The following TTN variants were observed in gnomAD, a reference collection of about 807,000 sequenced individuals.
TTN encodes titin, also known as connectin.
TTN carries 1,525 observed loss-of-function variants against 3,223.0 expected under a neutral mutation model. The observed-to-expected ratio is 0.47, with a 90% confidence interval of 0.45 to 0.49. The LOEUF (loss-of-function observed/expected upper bound fraction) is 0.49. Ranked by LOEUF, TTN falls within the 20% of genes least tolerant of loss-of-function variation. The pLI, the probability that TTN is intolerant of heterozygous loss-of-function variation, is 0.00. For missense variants in TTN, 40,786 were observed against 43,424.0 expected (o/e 0.94, Z 5.40); for synonymous variants, 14,094 against 15,161.0 (o/e 0.93, Z 5.17).
intron 218 of TTN, among the ~76,000 whole-genome samples, chr2:178,644,015 G>A (rs1324213921): frequency 6.6e-6 from 1 of 151,920 alleles, no homozygotes; most frequent in African/African-American, 2.4e-5. Context: ...ATTACCTACA[G>A]TAATAAGGAA....
In TTN at chr2:178,633,273, C is replaced by G. The variant is rs776325338; in HGVS notation, c.43000G>C (p.Glu14334Gln). The G allele has an allele frequency of 3.5e-5, 56 of 1,613,228 alleles. No individual in the cohort carries two copies. Among genetic ancestry groups the G allele is most frequent in the Non-Finnish European group, 4.7e-5 (55 of 1,179,516 alleles). ...AGTTCAATTTCAAAGTGGGCTGTTT[C>G]ACCAACAAACACCTCTACTCCGTAC... is the stretch of plus-strand genomic sequence containing the variant. Reference protein sequence around the residue: ...PLYGVEVFVGETAHFEIELSE... With the variant: ...PLYGVEVFVGQTAHFEIELSE... Residue 14334 changes from glutamate to glutamine, a missense_variant, in exon 233 of 363, where the codon GAA becomes CAA. By Grantham distance (29) the Glu-to-Gln change is conservative. Transcript: ENST00000589042.
At chr2:178,542,070 T>G (rs985184550) in intron 349 of TTN, 194 bp downstream of exon 349, 1 of 505,628 alleles carries the variant, frequency 2.0e-6, no homozygotes, top group African/African-American at 1.9e-5. Flanking sequence ...AAATCAAGCC[T>G]AAGTGTGTTG....
rs769683530 is a variant in TTN at position 178,588,871 on chromosome 2, T to C, written c.62854A>G (p.Ser20952Gly). Residue 20952 changes from serine to glycine, a missense_variant, in exon 304 of 363, where the codon AGT (serine) becomes GGT (glycine). By Grantham distance (56) the Ser-to-Gly change is moderately conservative. Transcript: ENST00000589042. ...NKIGTGPPTE[S>G]KPVIAKTKYD... is the part of the protein sequence containing the mutation. ...TTGGTTTTGGCTATGACTGGTTTAC[T>C]TTCTGTTGGAGGCCCTGTGCCTATT... 6.2e-7 allele frequency: 1 copy of C among 1,613,382 alleles called. No homozygotes were observed. The highest frequency in any genetic ancestry group is 8.5e-7 in the Non-Finnish European group (1 of 1,179,614).
At chr2:178,664,404 G>T (rs1287040750) in intron 168 of TTN, 56 bp downstream of exon 168, 2 of 1,330,400 alleles carry the variant, frequency 1.5e-6, no homozygotes, top group African/African-American at 1.5e-5. Flanking sequence ...TAGAAAGGTG[G>T]TCCTTTCTAT....
Position 178,535,516 on chromosome 2 carries a change from T to C in TTN, c.101099A>G (p.Asp33700Gly). 1.2e-6 allele frequency: 2 copies of C among 1,613,866 alleles called. No homozygotes were observed. Among genetic ancestry groups the C allele is most frequent in the Non-Finnish European group, 1.7e-6 (2 of 1,179,822 alleles). ...TAAGTTGACAGAATCTCGTGAGACA[T>C]CACTAACTTTGACTCCTCTGGGTGG... Reference protein sequence around the residue: ...PDPPRGVKVSDVSRDSVNLTW... With the variant: ...PDPPRGVKVSGVSRDSVNLTW... Residue 33700 changes from aspartate (D) to glycine (G), a missense_variant, in exon 358 of 363, where the codon GAT becomes GGT. Physicochemically the swap from Asp to Gly is moderately conservative, Grantham distance 94. Coordinates refer to ENST00000589042, the MANE Select transcript of TTN (RefSeq NM_001267550.2).
In TTN at chr2:178,564,274, A is replaced by AACGATG. The variant is rs773439628; in HGVS notation, c.81852_81857dup (p.Ile27285_Val27286dup). ...GAACAAAAGTCTCTCCTGCATGAAC[A>AACGATG]ACGATGACATCTTTATATTTTGGAT... is the stretch of plus-strand genomic sequence containing the variant. On this transcript the variant is annotated inframe_insertion, in exon 326 of 363. Transcript: ENST00000589042. 5.5e-5 allele frequency: 89 copies of AACGATG among 1,613,292 alleles called. No individual in the cohort carries two copies. The highest frequency in any genetic ancestry group is 7.5e-5 in the Non-Finnish European group (88 of 1,179,780).
Position 178,653,237 on chromosome 2 carries a change from C to A in TTN, c.38791+1G>T, listed in dbSNP as rs759043336. 6.2e-7 allele frequency: 1 copy of A among 1,611,710 alleles called. No individual in the cohort carries two copies. Among genetic ancestry groups the A allele is most frequent in the Admixed American group, 1.7e-5 (1 of 59,724 alleles). On this transcript the variant is annotated splice_donor_variant, in intron 198 of 362. Transcript: ENST00000589042. LOFTEE classifies it high-confidence loss of function. ...TGAAGCCTAAGGTCAGTGACAAATACCTTTAACAGGTGGGACTTCAGGCTT... is the reference window on the plus strand; with the variant it reads ...TGAAGCCTAAGGTCAGTGACAAATAACTTTAACAGGTGGGACTTCAGGCTT...
chr2:178,665,057 T>C (rs536788255), intron 165 of TTN, 131 bp from the exon 166 acceptor site: 4 of 1,095,652 alleles, frequency 3.7e-6, no homozygotes, highest in Admixed American at 4.7e-5. Flanking sequence ...ACCAATAGGC[T>C]AAGTCTTTTA....
Position 178,601,421 on chromosome 2 carries a change from A to G in TTN, c.55576T>C (p.Trp18526Arg), listed in dbSNP as rs771337220. 2.5e-6 allele frequency: 4 copies of G among 1,612,844 alleles called. No homozygotes were observed. Among genetic ancestry groups the G allele is most frequent in the Non-Finnish European group, 2.5e-6 (3 of 1,179,328 alleles). The change falls in exon 287 of 363, where the codon TGG (tryptophan) becomes CGG (arginine). Residue 18526 changes from tryptophan (W) to arginine (R), a missense_variant. By Grantham distance (101) the Trp-to-Arg change is moderately radical. Transcript: ENST00000589042. ...CCACAGTCTGGATTGACTTTGGTCC[A>G]GGCTTTTCCATCAATAGTCCTCTTC... ...IEKRTIDGKA[W>R]TKVNPDCGST...
chr2:178,573,032 T>G lies in TTN; in HGVS notation c.73100A>C (p.Glu24367Ala). Reference sequence around the variant, plus strand: ...TGGAGTGACAATCTGCCATTCATCTTCCTCTGGCAGGGCAATCTCAACCAT... The same window carrying G: ...TGGAGTGACAATCTGCCATTCATCTGCCTCTGGCAGGGCAATCTCAACCAT... Reference protein sequence around the residue: ...GYMVEIALPEEDEWQIVTPPA... With the variant: ...GYMVEIALPEADEWQIVTPPA... The change falls in exon 326 of 363, where the codon GAA becomes GCA. Residue 24367 changes from glutamate (E) to alanine (A), a missense_variant. Transcript: ENST00000589042. The G allele has an allele frequency of 6.2e-7, 1 of 1,613,102 alleles. No homozygotes were observed. Among genetic ancestry groups the G allele is most frequent in the Non-Finnish European group, 8.5e-7 (1 of 1,179,474 alleles).
chr2:178,688,644 A>C, intron 126 of TTN, 33 bp downstream of exon 126: 1 of 1,440,150 alleles, frequency 6.9e-7, no homozygotes, highest in African/African-American at 1.4e-5. Context: ...AACACACACA[A>C]ACTCATTTAT....
rs765967126 is a variant in TTN, at chr2:178,566,527, T to TTC, written c.79604_79605insGA (p.Ile26536LysfsTer2). The TTC allele has an allele frequency of 1.2e-6, 2 of 1,613,456 alleles. No homozygotes were observed. Among genetic ancestry groups the TTC allele is most frequent in the Non-Finnish European group, 1.7e-6 (2 of 1,179,690 alleles). ...TCAGGCCAGTCTGTGGAGTAACTAT[T>TTC]TGCCATTCTTCTTCATCTGCTTTAC... is the stretch of plus-strand genomic sequence containing the variant. On this transcript the variant is annotated frameshift_variant, in exon 326 of 363. Coordinates refer to ENST00000589042, the MANE Select transcript of TTN (RefSeq NM_001267550.2). LOFTEE classifies it high-confidence loss of function.
At position 178,632,909 on chromosome 2, in the gene TTN, A is replaced by G. The variant is rs2059977406; in HGVS notation, c.43213+9T>C. ...AAATACAAAAACGTGGCTGACAAGTAGAGCATACCTTTCACTTTCAGATTG... is the reference window on the plus strand; with the variant it reads ...AAATACAAAAACGTGGCTGACAAGTGGAGCATACCTTTCACTTTCAGATTG... On this transcript the variant is annotated intron_variant, in intron 234 of 362. Transcript: ENST00000589042. 6.2e-7 allele frequency: 1 copy of G among 1,612,642 alleles called. No individual in the cohort carries two copies. The highest frequency in any genetic ancestry group is 1.7e-5 in the Admixed American group (1 of 59,872).
At position 178,593,337 on chromosome 2, in the gene TTN, C is replaced by A; in HGVS notation, c.58871G>T (p.Arg19624Leu). 6.2e-7 allele frequency: 1 copy of A among 1,613,292 alleles called. No homozygotes were observed. The change falls in exon 299 of 363, where the codon CGA becomes CTA. Residue 19624 changes from arginine to leucine, a missense_variant. By Grantham distance (102) the Arg-to-Leu change is moderately radical (BLOSUM62 -2). Transcript: ENST00000589042. Reference protein sequence around the residue: ...ILEKRETMSKRWARVTKDPIH... With the variant: ...ILEKRETMSKLWARVTKDPIH... ...AGGATCTTTGGTAACTCTAGCCCAT[C>A]GTTTAGACATAGTTTCTCTCTTTTC...
intron 96 of TTN, 99 bp downstream of exon 96, chr2:178,711,845 C>A (rs758847720): frequency 2.0e-5 from 29 of 1,419,920 alleles, no homozygotes; most frequent in African/African-American, 1.6e-4. Flanking sequence ...GAATTTTAAG[C>A]CTTTGGAAAG....
chr2:178,562,750 A>C lies in TTN; in HGVS notation c.83382T>G (p.Gly27794=), dbSNP rs1704152505. 1.2e-6 allele frequency: 2 copies of C among 1,611,930 alleles called. No homozygotes were observed. Among genetic ancestry groups the C allele is most frequent in the African/African-American group, 2.7e-5 (2 of 74,776 alleles). ...TLSWEPPLID[G]GAKITNYIVE... is the part of the protein sequence containing the mutation. ...CAATGTAGTTTGTAATCTTAGCTCC[A>C]CCATCAATAAGTGGTGGTTCCCAGG... The change falls in exon 326 of 363, where the codon GGT becomes GGG. Residue 27794 remains glycine, a synonymous_variant. Coordinates refer to ENST00000589042, the MANE Select transcript of TTN (RefSeq NM_001267550.2).
intron 155 of TTN, 123 bp from the exon 156 acceptor site, chr2:178,671,293 C>T (rs2066925609): frequency 1.6e-6 from 1 of 606,836 alleles, no homozygotes; most frequent in Middle Eastern, 4.5e-4. Context: ...ATTTATAACA[C>T]ACTTATTTCC....
chr2:178,528,225 G>C (rs767096966), intron 361 of TTN, 49 bp downstream of exon 361: 2 of 1,551,998 alleles, frequency 1.3e-6, no homozygotes, highest in Non-Finnish European at 1.7e-6. Flanking sequence ...GCAAAAAAAC[G>C]ATCTAAAGGC....
chr2:178,550,596 G>T (rs1699021486), intron 336 of TTN: 2 of 406,956 alleles, frequency 4.9e-6, no homozygotes, highest in Admixed American at 8.7e-5. Flanking sequence ...GAGGCCATCA[G>T]CTGCATTCAA....
Sources: gnomAD v4.1 joint callset for allele counts (sites outside exome capture counted in the v4.1 genomes callset) on GRCh38, gnomAD v4.1.1 for gene constraint, MANE v1.5 for transcripts, NCBI Gene and HGNC (gene_info 2026-07-23, HGNC 2026-07-21) for gene names.